Variants in BACH2 observed in about 807,000 individuals in gnomAD.
The protein encoded by BACH2 is BACH transcriptional regulator 2.
Under a neutral mutation model 61.8 loss-of-function variants are expected in BACH2, and 5 were observed. The ratio of observed to expected loss-of-function variants is 0.08; its 90% CI spans 0.04 to 0.17. BACH2 has a LOEUF of 0.17. BACH2 is among the 10% of genes least tolerant of loss of function. The pLI is 1.00. For missense variants in BACH2, 824 were observed against 1,091.1 expected, an observed-to-expected ratio of 0.76 and a Z score of 3.45; for synonymous variants, 446 against 440.1, an observed-to-expected ratio of 1.01 and a Z score of -0.17.
chr6:90,106,402 A>C (rs1218065350), intron 4 of BACH2, among the ~76,000 whole-genome samples: 5 of 152,158 alleles, frequency 3.3e-5, no homozygotes, highest in African/African-American at 1.2e-4. Flanking sequence ...TACCTTTTCT[A>C]TGTTTAGATA....
At chr6:90,271,039 C>T (rs984924358) in intron 2 of BACH2, among the ~76,000 whole-genome samples, 1 of 152,064 alleles carries the variant, frequency 6.6e-6, no homozygotes, top group African/African-American at 2.4e-5. Flanking sequence ...GAAGAATGAA[C>T]TGGATCCTCA....
chr6:90,064,430 C>T lies in BACH2; in HGVS notation c.-13+24531G>A, dbSNP rs185094917. ...GAATATGGTCCAGACAAGAAGCGGT[C>T]CAGACAAGAAGGAGCATGGGGACCA... On this transcript the variant is annotated intron_variant, in intron 5 of 8. Transcript: ENST00000257749. Among the ~76,000 whole-genome samples, 681 of 152,236 alleles carry T rather than the reference C, an allele frequency of 4.5e-3. 3 individuals are homozygous for T. Among genetic ancestry groups the T allele is most frequent in the Non-Finnish European group, 7.4e-3 (505 of 68,012 alleles).
chr6:90,050,557 G>A (rs1295044740), intron 5 of BACH2, among the ~76,000 whole-genome samples: 2 of 152,042 alleles, frequency 1.3e-5, no homozygotes, highest in East Asian at 1.9e-4. Flanking sequence ...GACATTAAAG[G>A]TATTGGGGAA....
At chr6:89,936,256 G>C (rs1296427848) in intron 8 of BACH2, among the ~76,000 whole-genome samples, 1 of 152,170 alleles carries the variant, frequency 6.6e-6, no homozygotes, top group Non-Finnish European at 1.5e-5. Context: ...CAGGTGCCCA[G>C]CCTAACTGGG....
chr6:90,226,615 T>C (rs1219546512), intron 3 of BACH2, among the ~76,000 whole-genome samples: 8 of 152,304 alleles, frequency 5.3e-5, no homozygotes, highest in African/African-American at 1.9e-4. Flanking sequence ...GAAATGTGAA[T>C]GCTATTTTAT....
At chr6:90,295,601 T>A (rs1362646794) in intron 1 of BACH2, among the ~76,000 whole-genome samples, 1 of 151,772 alleles carries the variant, frequency 6.6e-6, no homozygotes, top group Admixed American at 6.6e-5. Context: ...AGTGTCCCCT[T>A]CATAAACCAG....
chr6:90,051,578 C>T (rs1780049038), intron 5 of BACH2, among the ~76,000 whole-genome samples: 1 of 152,118 alleles, frequency 6.6e-6, no homozygotes, highest in Non-Finnish European at 1.5e-5. Context: ...GTTTACCAAA[C>T]CCTGTATTAT....
rs138169662 is a variant in BACH2, at chr6:89,981,610, A to C, written c.243+26992T>G. Among the ~76,000 whole-genome samples, 952 of 152,344 alleles carry C rather than the reference A, an allele frequency of 6.2e-3. 15 individuals are homozygous for C. Among genetic ancestry groups the C allele is most frequent in the East Asian group, 0.028 (143 of 5,190 alleles). ...TTTAAGCATATTAAAACTGAGAAAA[A>C]AATAAAAAGATCAGAAAAGAGGTCA... On this transcript the variant is annotated intron_variant, in intron 6 of 8. Coordinates refer to ENST00000257749, the MANE Select transcript of BACH2 (RefSeq NM_021813.4).
At chr6:90,000,932 T>C (rs538742538) in intron 6 of BACH2, among the ~76,000 whole-genome samples, 1 of 152,310 alleles carries the variant, frequency 6.6e-6, no homozygotes, top group African/African-American at 2.4e-5. Context: ...GGCTTTTCCC[T>C]ACCTCTCAAT....
Position 89,932,714 on chromosome 6 carries a change from C to T in BACH2, c.2220G>A (p.Thr740=), listed in dbSNP as rs147908828. The T allele has an allele frequency of 1.1e-4, 176 of 1,614,078 alleles. No homozygotes were observed. The Middle Eastern group carries it at 1.2e-3, about 11-fold the overall frequency. Residue 740 remains threonine, a synonymous_variant, in exon 9 of 9, where the codon ACG becomes ACA. Transcript: ENST00000257749. The stretch of plus-strand genomic sequence containing the variant: ...AGGGCGCAGGGTTAATACTGGAGGC[C>T]GTGGGCAAGTCCATGGGTCTGAGGA... The part of the protein sequence containing the change: ...CPVLRPMDLP[T]ASSINPAPLG...
rs753083353 is a variant in BACH2 at position 90,204,963 on chromosome 6, T to C, written c.-162+1606A>G. Reference sequence around the variant, plus strand: ...CCAAACAAAAACTCCTCAAAAACAATTGCTTGTTTTTTTGCTGGTCTCTTC... The same window carrying C: ...CCAAACAAAAACTCCTCAAAAACAACTGCTTGTTTTTTTGCTGGTCTCTTC... On this transcript the variant is annotated intron_variant, in intron 4 of 8. Transcript: ENST00000257749. Among the ~76,000 whole-genome samples the C allele has an allele frequency of 3.3e-5, 5 of 152,258 alleles. No homozygotes were observed. The South Asian group carries it at 1.0e-3, about 32-fold the overall frequency.
chr6:90,111,436 T>C (rs1783166362), intron 4 of BACH2, among the ~76,000 whole-genome samples: 1 of 152,242 alleles, frequency 6.6e-6, no homozygotes, highest in South Asian at 2.1e-4. Context: ...GCTCATAGAA[T>C]AGCATCTGAG....
At chr6:90,234,360 T>A (rs1582515804) in intron 3 of BACH2, among the ~76,000 whole-genome samples, 1 of 152,152 alleles carries the variant, frequency 6.6e-6, no homozygotes, top group East Asian at 1.9e-4. Context: ...ACCTGTACAG[T>A]AGGGCTGTGA....
Position 90,230,350 on chromosome 6 carries a change from A to G in BACH2, c.-275+22163T>C, listed in dbSNP as rs77414965. 3.0e-3 allele frequency among the ~76,000 whole-genome samples: 454 copies of G among 152,342 alleles called. 1 individual carries two copies. Among genetic ancestry groups the G allele is most frequent in the African/African-American group, 0.01 (432 of 41,586 alleles). Reference sequence around the variant, plus strand: ...ACATAGCAAATGTTCAATTTTAATCACATGCATCATACCTATACATGTGTA... The same window carrying G: ...ACATAGCAAATGTTCAATTTTAATCGCATGCATCATACCTATACATGTGTA... On this transcript the variant is annotated intron_variant, in intron 3 of 8. Transcript: ENST00000257749.
At chr6:89,952,206 AGT>A in intron 6 of BACH2, 1 of 268,832 alleles carries the variant, frequency 3.7e-6, no homozygotes, top group Non-Finnish European at 7.2e-6. Context: ...CCTCCCAATC[AGT>A]CCTGTTGAGA....
intron 4 of BACH2, among the ~76,000 whole-genome samples, chr6:90,181,396 G>C (rs755239526): frequency 3.3e-5 from 5 of 151,734 alleles, no homozygotes; most frequent in Admixed American, 2.6e-4. Flanking sequence ...AAGGCTATAT[G>C]TGCAGTTAAA....
chr6:89,951,935 A>G lies in BACH2; in HGVS notation c.244-73T>C. The G allele has an allele frequency of 2.6e-6, 4 of 1,529,588 alleles. No individual in the cohort carries two copies. The highest frequency in any genetic ancestry group is 3.6e-6 in the Non-Finnish European group (4 of 1,123,900). The allele number at this position is 1,529,588 out of a possible 1,614,324, so 94.8% of individuals were successfully genotyped here. A position where few individuals can be genotyped will look rare whatever the true frequency, so the allele number is the denominator to read the frequency against. On this transcript the variant is annotated intron_variant, in intron 6 of 8. Transcript: ENST00000257749. The surrounding 1 kb of genome is among the most constrained non-coding windows in gnomAD (Gnocchi z 6.4). ...TTGTCCCGAATCCCTCAACTGAAGC[A>G]AGATAACCAGACAGTGCTAATGTCC...
intron 3 of BACH2, among the ~76,000 whole-genome samples, chr6:90,210,509 T>C (rs1048055703): frequency 6.6e-6 from 1 of 152,214 alleles, no homozygotes; most frequent in Non-Finnish European, 1.5e-5. Flanking sequence ...GGGAACCTGG[T>C]TGTTTTGCAG....
chr6:90,155,457 G>T (rs899187395), intron 4 of BACH2, among the ~76,000 whole-genome samples: 2 of 152,232 alleles, frequency 1.3e-5, no homozygotes, highest in Non-Finnish European at 2.9e-5. Flanking sequence ...GCAAGGGCTA[G>T]AGCAACTTCC....
Sources: gnomAD v4.1 joint callset for allele counts (sites outside exome capture counted in the v4.1 genomes callset) on GRCh38, gnomAD v4.1.1 for gene constraint, Gnocchi (gnomAD v3.1) non-coding constraint, MANE v1.5 for transcripts, NCBI Gene and HGNC (gene_info 2026-07-23, HGNC 2026-07-21) for gene names.